The following DDAH1 variants were observed in gnomAD, a reference collection of about 807,000 sequenced individuals.
The protein encoded by DDAH1 is N(G),N(G)-dimethylarginine dimethylaminohydrolase 1.
In DDAH1, 19 loss-of-function variants were observed where a neutral mutation model predicts 28.8. The observed-to-expected ratio is 0.66, with a 90% CI of 0.46 to 0.97. The LOEUF is 0.97. Among genes scored for constraint, DDAH1 ranks in the 50% least tolerant of loss-of-function variants. The pLI, the probability that DDAH1 is intolerant of heterozygous loss-of-function variation, is 0.00. For synonymous variants in DDAH1, 153 were observed against 154.4 expected, an observed-to-expected ratio of 0.99 and a Z score of 0.07; for missense variants, 326 against 375.9, an observed-to-expected ratio of 0.87 and a Z score of 1.10.
intron 1 of DDAH1, among the ~76,000 whole-genome samples, chr1:85,406,816 C>T (rs532346770): frequency 1.0e-3 from 154 of 151,996 alleles, no homozygotes; most frequent in African/African-American, 3.5e-3. Context: ...AATTACATTC[C>T]TTTATTTCAT....
chr1:85,535,203 G>C (rs1183139984), intron 1 of DDAH1, among the ~76,000 whole-genome samples: 4 of 152,242 alleles, frequency 2.6e-5, no homozygotes, highest in East Asian at 3.9e-4. Flanking sequence ...CAAAATATAC[G>C]TGGGGCATAA....
chr1:85,321,262 T>C lies in DDAH1; in HGVS notation c.*190A>G, dbSNP rs367875656. ...TTAATTCATTTAGCAAATCCACAGC[T>C]TAGGTACCACCTCGAGGGGAGGGAG... On this transcript the variant is annotated 3_prime_UTR_variant, in exon 6 of 6. Transcript: ENST00000284031. The C allele has an allele frequency of 1.3e-5, 7 of 552,716 alleles. No individual in the cohort carries two copies. The East Asian group carries it at 1.7e-4, about 14-fold the overall frequency. The allele number at this position is 552,716 out of a possible 1,614,324, so 34.2% of individuals were successfully genotyped here.
intron 2 of DDAH1, among the ~76,000 whole-genome samples, chr1:85,492,686 A>G (rs1290529158): frequency 6.6e-6 from 1 of 152,194 alleles, no homozygotes; most frequent in Non-Finnish European, 1.5e-5. Context: ...ACAAACATAT[A>G]TACTTACACT....
chr1:85,533,698 T>A (rs1169362247), intron 1 of DDAH1, among the ~76,000 whole-genome samples: 1 of 152,196 alleles, frequency 6.6e-6, no homozygotes, highest in Non-Finnish European at 1.5e-5. Flanking sequence ...TAGCATGGGC[T>A]CACTAATTAG....
At chr1:85,326,623 T>G (rs1647413231) in intron 4 of DDAH1, among the ~76,000 whole-genome samples, 1 of 152,264 alleles carries the variant, frequency 6.6e-6, no homozygotes, top group South Asian at 2.1e-4. Flanking sequence ...CACCTACTTT[T>G]TCACATTCAC....
intron 1 of DDAH1, among the ~76,000 whole-genome samples, chr1:85,369,438 AG>A (rs1422346952): frequency 5.9e-5 from 9 of 152,210 alleles, no homozygotes; most frequent in African/African-American, 2.2e-4. Context: ...AGCCACGGCA[AG>A]AGCCATACAA....
intron 1 of DDAH1, among the ~76,000 whole-genome samples, chr1:85,518,296 A>G (rs1229943350): frequency 6.6e-6 from 1 of 152,162 alleles, no homozygotes. Flanking sequence ...ATTATTTTAC[A>G]GTTCAGCAGG....
intron 1 of DDAH1, among the ~76,000 whole-genome samples, chr1:85,417,776 C>A (rs548021412): frequency 1.3e-5 from 2 of 152,278 alleles, no homozygotes; most frequent in East Asian, 3.9e-4. Flanking sequence ...AAAGCCATTT[C>A]TCTCATGAAT....
chr1:85,342,912 G>C (rs377103489), intron 4 of DDAH1, among the ~76,000 whole-genome samples: 2 of 152,202 alleles, frequency 1.3e-5, no homozygotes, highest in South Asian at 2.1e-4. Flanking sequence ...ACCCAGGGTA[G>C]TATGTTTTCA....
At position 85,362,427 on chromosome 1, in the gene DDAH1, T is replaced by C. The variant is rs1377488056; in HGVS notation, c.304-3580A>G. On this transcript the variant is annotated intron_variant, in intron 1 of 5. Transcript: ENST00000284031. Reference sequence around the variant, plus strand: ...GACCCAATCAGTCTAAAGAATTCTTTCTCTTTCTCAATGCCTGGTCTCCTT... The same window carrying C: ...GACCCAATCAGTCTAAAGAATTCTTCCTCTTTCTCAATGCCTGGTCTCCTT... Among the ~76,000 whole-genome samples, 3 of 152,278 alleles carry C rather than the reference T, an allele frequency of 2.0e-5. No individual in the cohort carries two copies. In the South Asian group the frequency reaches 6.2e-4, roughly 32 times the overall value.
intron 2 of DDAH1, among the ~76,000 whole-genome samples, chr1:85,355,967 C>G (rs1300921191): frequency 6.6e-6 from 1 of 152,172 alleles, no homozygotes; most frequent in Admixed American, 6.5e-5. Context: ...TTTAGGAATA[C>G]ATGCATGGAG....
At position 85,319,368 on chromosome 1, in the gene DDAH1, C is replaced by G. The variant is rs923408833; in HGVS notation, c.*2084G>C. ...AGAACAAATTGTTACAAAGAAAAAT[C>G]TATTTGCTTGCAATTGATTAAACAT... On this transcript the variant is annotated 3_prime_UTR_variant, in exon 6 of 6. Coordinates refer to ENST00000284031, the MANE Select transcript of DDAH1 (RefSeq NM_012137.4). 6 of 152,168 alleles carry G rather than the reference C, an allele frequency of 3.9e-5. No individual in the cohort carries two copies. The highest frequency in any genetic ancestry group is 1.4e-4 in the African/African-American group (6 of 41,436). 9.4% of individuals were successfully genotyped at this position (152,168 alleles called of 1,614,324 possible).
chr1:85,456,222 C>A lies in DDAH1; in HGVS notation c.303+8521G>T, dbSNP rs779291448. ...TCCTGTAGCTCATGCAAAATTCAAC[C>A]CATAATTATAGATGCATTCTCAGTT... is the stretch of plus-strand genomic sequence containing the variant. On this transcript the variant is annotated intron_variant, in intron 1 of 5. Coordinates refer to ENST00000284031, the MANE Select transcript of DDAH1 (RefSeq NM_012137.4). Among the ~76,000 whole-genome samples the A allele has an allele frequency of 1.1e-4, 16 of 152,208 alleles. 1 individual carries two copies. The highest frequency in any genetic ancestry group is 2.1e-4 in the Non-Finnish European group (14 of 68,040).
chr1:85,446,301 G>A (rs558145321), intron 1 of DDAH1, among the ~76,000 whole-genome samples: 6 of 152,270 alleles, frequency 3.9e-5, no homozygotes, highest in East Asian at 3.9e-4. Flanking sequence ...GAAAAGTGCC[G>A]AGTAAAGGGG....
At chr1:85,401,839 T>C (rs557559383) in intron 1 of DDAH1, among the ~76,000 whole-genome samples, 4 of 152,296 alleles carry the variant, frequency 2.6e-5, no homozygotes, top group African/African-American at 9.6e-5. Context: ...TTCCTATTAT[T>C]GAACTGTAGA....
At chr1:85,328,913 T>C (rs1313066119) in intron 4 of DDAH1, among the ~76,000 whole-genome samples, 13 of 152,252 alleles carry the variant, frequency 8.5e-5, no homozygotes, top group Admixed American at 8.5e-4. Context: ...TAACTGCCAG[T>C]TGGCTTTCCA....
chr1:85,482,875 T>C (rs1656056377), intron 2 of DDAH1, among the ~76,000 whole-genome samples: 1 of 152,104 alleles, frequency 6.6e-6, no homozygotes, highest in Non-Finnish European at 1.5e-5. Flanking sequence ...ATATAAAATA[T>C]AAAAATTTCT....
intron 1 of DDAH1, among the ~76,000 whole-genome samples, chr1:85,457,654 A>G (rs1285321516): frequency 1.3e-5 from 2 of 152,180 alleles, no homozygotes. Flanking sequence ...AAACTGGAAA[A>G]CTTTAATATT....
At chr1:85,472,149 G>A (rs145008583) in intron 2 of DDAH1, among the ~76,000 whole-genome samples, 1 of 152,172 alleles carries the variant, frequency 6.6e-6, no homozygotes, top group Non-Finnish European at 1.5e-5. Flanking sequence ...AGGCCATAAA[G>A]AAATTATCTG....
Sources: allele counts gnomAD v4.1 joint callset (sites outside exome capture counted in the v4.1 genomes callset), GRCh38; gene constraint gnomAD v4.1.1; transcripts MANE v1.5; gene names NCBI Gene and HGNC (gene_info 2026-07-23, HGNC 2026-07-21).